Variants in MYT1L observed in about 807,000 individuals in gnomAD.
MYT1L encodes the protein myelin transcription factor 1 like.
Under a neutral mutation model 126.7 loss-of-function variants are expected in MYT1L, and 12 were observed. That is an observed-to-expected ratio of 0.09 (90% CI 0.06 to 0.15). MYT1L has a LOEUF of 0.15. Ranked by LOEUF, MYT1L falls within the 10% of genes least tolerant of loss-of-function variation. The pLI is 1.00. For synonymous variants in MYT1L, 541 were observed against 604.2 expected, an observed-to-expected ratio of 0.90 and a Z score of 1.53; for missense variants, 979 against 1,585.2, an observed-to-expected ratio of 0.62 and a Z score of 6.49.
At chr2:2,197,564 C>G (rs1410226032) in intron 2 of MYT1L, among the ~76,000 whole-genome samples, 1 of 151,660 alleles carries the variant, frequency 6.6e-6, no homozygotes, top group Non-Finnish European at 1.5e-5. Context: ...CATACATGCA[C>G]ACACACATGC....
At chr2:1,846,727 A>C (rs920258884) in intron 19 of MYT1L, among the ~76,000 whole-genome samples, 2 of 152,214 alleles carry the variant, frequency 1.3e-5, no homozygotes, top group African/African-American at 4.8e-5. Context: ...CTGGCGAAAC[A>C]GCTCTATGCC....
chr2:2,170,096 C>CA (rs371554652), intron 3 of MYT1L, among the ~76,000 whole-genome samples: 2 of 152,268 alleles, frequency 1.3e-5, no homozygotes, highest in African/African-American at 4.8e-5. Flanking sequence ...CCCTGGGTAC[C>CA]ACGCTCACGT....
chr2:2,226,104 G>A (rs1259522041), intron 2 of MYT1L, among the ~76,000 whole-genome samples: 1 of 152,114 alleles, frequency 6.6e-6, no homozygotes, highest in Admixed American at 6.5e-5. Flanking sequence ...CCATGAGCCA[G>A]TATCTAGAGG....
intron 23 of MYT1L, among the ~76,000 whole-genome samples, chr2:1,797,380 C>T (rs553964603): frequency 2.0e-5 from 3 of 152,340 alleles, no homozygotes; most frequent in South Asian, 4.1e-4. Context: ...CCCGCCACCA[C>T]GCTAGGCTTT....
intron 2 of MYT1L, among the ~76,000 whole-genome samples, chr2:2,265,602 C>T (rs1224271018): frequency 6.6e-6 from 1 of 152,096 alleles, no homozygotes; most frequent in Non-Finnish European, 1.5e-5. Flanking sequence ...GATGGTGCAC[C>T]CGCGGCATGG....
At chr2:2,268,969 G>A (rs890537807) in intron 2 of MYT1L, among the ~76,000 whole-genome samples, 1 of 152,184 alleles carries the variant, frequency 6.6e-6, no homozygotes, top group Non-Finnish European at 1.5e-5. Context: ...CTGAGCAGGT[G>A]TCTCTTTGCG....
chr2:1,983,689 T>C (rs916327010), intron 5 of MYT1L, among the ~76,000 whole-genome samples: 9 of 152,218 alleles, frequency 5.9e-5, no homozygotes, highest in African/African-American at 2.2e-4. Context: ...CGACTGTCAT[T>C]GGCAGCCTCA....
At chr2:2,128,784 A>T (rs977309215) in intron 3 of MYT1L, among the ~76,000 whole-genome samples, 9 of 152,210 alleles carry the variant, frequency 5.9e-5, no homozygotes, top group African/African-American at 2.2e-4. Flanking sequence ...AAATGGAGAA[A>T]TGTTAATAAC....
intron 8 of MYT1L, among the ~76,000 whole-genome samples, chr2:1,976,655 A>G (rs2060210008): frequency 6.6e-6 from 1 of 152,192 alleles, no homozygotes; most frequent in South Asian, 2.1e-4. Flanking sequence ...AAAACAAAAA[A>G]CCAGGCAGAT....
intron 2 of MYT1L, among the ~76,000 whole-genome samples, chr2:2,256,726 A>G (rs1297231107): frequency 6.6e-6 from 1 of 152,228 alleles, no homozygotes; most frequent in East Asian, 1.9e-4. Context: ...CACTAATTGC[A>G]CTATATGGCC....
At chr2:2,253,825 C>T (rs905430009) in intron 2 of MYT1L, among the ~76,000 whole-genome samples, 8 of 152,044 alleles carry the variant, frequency 5.3e-5, no homozygotes, top group Non-Finnish European at 1.0e-4. Context: ...GAGAGCAAGT[C>T]GGAATTTCCC....
chr2:2,104,272 C>G (rs1194460834), intron 3 of MYT1L, among the ~76,000 whole-genome samples: 1 of 152,188 alleles, frequency 6.6e-6, no homozygotes, highest in Non-Finnish European at 1.5e-5. Context: ...CGCAATAATT[C>G]TGTAACACAT....
intron 8 of MYT1L, among the ~76,000 whole-genome samples, chr2:1,976,848 A>T (rs1437864313): frequency 6.6e-6 from 1 of 152,216 alleles, no homozygotes; most frequent in Non-Finnish European, 1.5e-5. Context: ...GAGAAGGCTC[A>T]CACAGTGACA....
intron 2 of MYT1L, among the ~76,000 whole-genome samples, chr2:2,197,950 C>G (rs2092896007): frequency 6.6e-6 from 1 of 151,782 alleles, no homozygotes; most frequent in Non-Finnish European, 1.5e-5. Flanking sequence ...CACACACATG[C>G]ATACAATGAA....
rs1165991516 is a variant in MYT1L at position 1,922,113 on chromosome 2, T to C, written c.1483+173A>G. Among the ~76,000 whole-genome samples, 1 of 152,202 alleles carries C rather than the reference T, an allele frequency of 6.6e-6. No homozygotes were observed. The highest frequency in any genetic ancestry group is 2.4e-5 in the African/African-American group (1 of 41,452). On this transcript the variant is annotated intron_variant, in intron 10 of 24. Transcript: ENST00000647738. The surrounding 1 kb of genome is among the most constrained non-coding windows in gnomAD (Gnocchi z 7.4). ...CTTTATGTATTTCTCAGACAAATAT[T>C]TTATTTGCTTGTCAGAAACGTAATC... is the stretch of plus-strand genomic sequence containing the variant.
In MYT1L at chr2:1,887,379, G is replaced by C. The variant is rs1410448517; in HGVS notation, c.2642+109C>G. The C allele has an allele frequency of 7.0e-7, 1 of 1,425,342 alleles. No individual in the cohort carries two copies. Among genetic ancestry groups the C allele is most frequent in the Non-Finnish European group, 9.8e-7 (1 of 1,023,498 alleles). The allele number at this position is 1,425,342 out of a possible 1,614,324, so 88.3% of individuals were successfully genotyped here. On this transcript the variant is annotated intron_variant, in intron 17 of 24. Transcript: ENST00000647738. This position sits in a 1 kb window ranked among gnomAD's most constrained non-coding sequence, Gnocchi z 4.8. ...GCAGTCGGAAACATTTATATGCTGCGAATGTCGCATGCTCAAACGGCAAGG... is the reference window on the plus strand; with the variant it reads ...GCAGTCGGAAACATTTATATGCTGCCAATGTCGCATGCTCAAACGGCAAGG...
At chr2:1,882,314 C>T (rs1012410821) in intron 18 of MYT1L, among the ~76,000 whole-genome samples, 6 of 152,126 alleles carry the variant, frequency 3.9e-5, no homozygotes, top group South Asian at 4.2e-4. Flanking sequence ...TCTTCTCCCC[C>T]GAGACATTCC....
chr2:2,153,534 A>G (rs2086182388), intron 3 of MYT1L, among the ~76,000 whole-genome samples: 1 of 152,112 alleles, frequency 6.6e-6, no homozygotes, highest in South Asian at 2.1e-4. Flanking sequence ...CGGGAAGAGG[A>G]GGAAGGCAGA....
At chr2:2,159,166 G>A (rs2087337486) in intron 3 of MYT1L, among the ~76,000 whole-genome samples, 1 of 147,812 alleles carries the variant, frequency 6.8e-6, no homozygotes, top group Non-Finnish European at 1.5e-5. Context: ...TGGTGAAGCA[G>A]GGGGCTGTCG....
Sources: gnomAD v4.1 joint callset for allele counts (sites outside exome capture counted in the v4.1 genomes callset) on GRCh38, gnomAD v4.1.1 for gene constraint, Gnocchi (gnomAD v3.1) non-coding constraint, MANE v1.5 for transcripts, NCBI Gene and HGNC (gene_info 2026-07-23, HGNC 2026-07-21) for gene names.